Variants in BAHCC1 observed in about 807,000 individuals in gnomAD.
BAHCC1 encodes the protein BAH domain and coiled-coil containing 1, also known as BAH and coiled-coil domain-containing protein 1.
A neutral mutation model predicts 88.2 loss-of-function variants in BAHCC1; 43 were observed. The ratio of observed to expected loss-of-function variants is 0.49; its 90% CI spans 0.38 to 0.63. The LOEUF is 0.63. Ranked by LOEUF, BAHCC1 falls within the 20% of genes least tolerant of loss-of-function variation. The probability of loss-of-function intolerance (pLI) is 0.00; values close to 1 mark genes in which losing one functional copy is unlikely to be tolerated. For synonymous variants in BAHCC1, 1,510 were observed against 745.5 expected, an observed-to-expected ratio of 2.03 and a Z score of -16.71; for missense variants, 3,023 against 1,654.8, an observed-to-expected ratio of 1.83 and a Z score of -14.34.
At chr17:81,439,124 G>A (rs1037577722) in intron 4 of BAHCC1, among the ~76,000 whole-genome samples, 3 of 152,216 alleles carry the variant, frequency 2.0e-5, no homozygotes, top group East Asian at 1.9e-4. Context: ...CAGCAGAGCC[G>A]AGTCCTGGTG....
At chr17:81,438,238 G>A (rs2064363095) in intron 3 of BAHCC1, 132 bp from the exon 4 acceptor site, 1 of 654,842 alleles carries the variant, frequency 1.5e-6, no homozygotes, top group Admixed American at 2.3e-5. Context: ...TTTCCCCCCG[G>A]CGGCTGCGTG....
At chr17:81,459,717 C>A in intron 23 of BAHCC1, 113 bp downstream of exon 23, 1 of 522,612 alleles carries the variant, frequency 1.9e-6, no homozygotes. Flanking sequence ...CAGCTCTCTG[C>A]TTAGACAGAG....
Position 81,435,499 on chromosome 17 carries a change from G to A in BAHCC1, c.359-2871G>A, listed in dbSNP as rs782046498. The A allele has an allele frequency of 2.1e-6, 1 of 470,864 alleles. No individual in the cohort carries two copies. The highest frequency in any genetic ancestry group is 2.0e-5 in the African/African-American group (1 of 50,064). 29.2% of individuals were successfully genotyped at this position (470,864 alleles called of 1,614,324 possible). On this transcript the variant is annotated intron_variant, in intron 3 of 27. Transcript: ENST00000675386. This position sits in a 1 kb window ranked among gnomAD's most constrained non-coding sequence, Gnocchi z 4.4. Reference sequence around the variant, plus strand: ...CCTCTCTGGCGGTTCGCTTAGCCCAGGGCTTGCCCTTGTCTGTTGGGGTGA... The same window carrying A: ...CCTCTCTGGCGGTTCGCTTAGCCCAAGGCTTGCCCTTGTCTGTTGGGGTGA...
At chr17:81,449,084 C>T (rs2064585547) in intron 11 of BAHCC1, among the ~76,000 whole-genome samples, 1 of 152,214 alleles carries the variant, frequency 6.6e-6, no homozygotes, top group South Asian at 2.1e-4. Flanking sequence ...GTGTGAATGC[C>T]TGCAGGACAG....
In BAHCC1 at chr17:81,447,544, GGACGAGCTGGAGGAA is replaced by G. The variant is rs2064554333; in HGVS notation, c.3683_3697del (p.Glu1228_Leu1232del). Reference sequence around the variant, plus strand: ...AGGGGGAGCAGCCGGCCCCTGAGGAGGACGAGCTGGAGGAAGACGAGCTGGGGCAGCAGAGCATGG... The same window carrying G: ...AGGGGGAGCAGCCGGCCCCTGAGGAGGACGAGCTGGGGCAGCAGAGCATGG... On this transcript the variant is annotated inframe_deletion, in exon 11 of 28. Transcript: ENST00000675386. 4.0e-6 allele frequency: 3 copies of G among 756,824 alleles called. No homozygotes were observed. The highest frequency in any genetic ancestry group is 3.4e-5 in the African/African-American group (2 of 58,916). The allele number at this position is 756,824 out of a possible 1,614,324, so 46.9% of individuals were successfully genotyped here.
intron 3 of BAHCC1, among the ~76,000 whole-genome samples, chr17:81,429,963 G>A (rs1487667255): frequency 2.0e-5 from 3 of 152,196 alleles, no homozygotes; most frequent in Non-Finnish European, 4.4e-5. Flanking sequence ...CGGAGCTGGA[G>A]GAGCCGCCCG....
intron 3 of BAHCC1, among the ~76,000 whole-genome samples, chr17:81,430,509 C>T (rs1429211559): frequency 6.6e-6 from 1 of 152,328 alleles, no homozygotes; most frequent in African/African-American, 2.4e-5. Context: ...CGAGCACTCC[C>T]TGCCAACGGA....
chr17:81,418,776 C>CGT lies in BAHCC1; in HGVS notation c.179-8015_179-8014dup, dbSNP rs781802477. The stretch of plus-strand genomic sequence containing the variant: ...ACGTGTGTGTGTGTACGTGTGTGTA[C>CGT]GTGTGTGTGTACGTGTGTGCGTGTG... On this transcript the variant is annotated intron_variant, in intron 2 of 27. Transcript: ENST00000675386. Among the ~76,000 whole-genome samples the CGT allele has an allele frequency of 6.8e-4, 46 of 67,372 alleles. No homozygotes were observed. The South Asian group carries it at 8.5e-3, about 12-fold the overall frequency. 44.2% of individuals were successfully genotyped at this position (67,372 alleles called of 152,430 possible).
Position 81,417,153 on chromosome 17 carries a change from G to A in BAHCC1, c.179-9647G>A, listed in dbSNP as rs117279920. ...GGTGGATTCCTGGGCTGGGGTGTGC[G>A]TGCGTGTGCCCCTGACATCTTCACC... On this transcript the variant is annotated intron_variant, in intron 2 of 27. Coordinates refer to ENST00000675386, the MANE Select transcript of BAHCC1 (RefSeq NM_001377448.1). Among the ~76,000 whole-genome samples, 311 of 152,304 alleles carry A rather than the reference G, an allele frequency of 2.0e-3. 2 individuals carry two copies. The East Asian group carries it at 0.025, about 12-fold the overall frequency.
At chr17:81,403,852 A>C (rs954847938) in intron 2 of BAHCC1, among the ~76,000 whole-genome samples, 4 of 152,132 alleles carry the variant, frequency 2.6e-5, no homozygotes, top group South Asian at 2.1e-4. Flanking sequence ...GTGGCCCGCC[A>C]CGCCCGCCCC....
intron 1 of BAHCC1, among the ~76,000 whole-genome samples, chr17:81,398,878 G>T (rs1259060940): frequency 8.2e-4 from 124 of 150,964 alleles, no homozygotes; most frequent in Non-Finnish European, 1.6e-4. Context: ...GGATTCAGAA[G>T]AATGGGCCGA....
intron 3 of BAHCC1, among the ~76,000 whole-genome samples, chr17:81,437,366 A>AGAC (rs1338384652): frequency 6.6e-6 from 1 of 151,974 alleles, no homozygotes. Context: ...GGCGGGTCTG[A>AGAC]GTCTCAGAGC....
rs1555659291 is a variant in BAHCC1 at position 81,461,380 on chromosome 17, G to A, written c.6717G>A (p.Arg2239=). The stretch of plus-strand genomic sequence containing the variant: ...AGGACTTCAGCCCCAAGCTCGGGCG[G>A]CCCCTGCCCAGCCCCAGCTATGTGC... ...GDKDFSPKLG[R]PLPSPSYVHP... The change falls in exon 26 of 28, where the codon CGG becomes CGA. Residue 2239 remains arginine, a synonymous_variant. Transcript: ENST00000675386. 1.4e-6 allele frequency: 1 copy of A among 721,058 alleles called. No homozygotes were observed. Among genetic ancestry groups the A allele is most frequent in the Non-Finnish European group, 2.6e-6 (1 of 391,924 alleles). The allele number at this position is 721,058 out of a possible 1,614,324, so 44.7% of individuals were successfully genotyped here.
In BAHCC1 at chr17:81,463,862, T is replaced by C; in HGVS notation, c.*45T>C. 2 of 696,070 alleles carry C rather than the reference T, an allele frequency of 2.9e-6. No homozygotes were observed. Among genetic ancestry groups the C allele is most frequent in the Non-Finnish European group, 5.3e-6 (2 of 380,628 alleles). 43.1% of individuals were successfully genotyped at this position (696,070 alleles called of 1,614,324 possible). Reference sequence around the variant, plus strand: ...TCCCACGTGCGCCAGGGACCCTGTGTGCGGAGCCTGGCGTCGGCCAAGCCA... The same window carrying C: ...TCCCACGTGCGCCAGGGACCCTGTGCGCGGAGCCTGGCGTCGGCCAAGCCA... On this transcript the variant is annotated 3_prime_UTR_variant, in exon 28 of 28. Transcript: ENST00000675386.
At chr17:81,406,618 T>C (rs1365433612) in intron 2 of BAHCC1, among the ~76,000 whole-genome samples, 2 of 152,254 alleles carry the variant, frequency 1.3e-5, no homozygotes, top group South Asian at 2.1e-4. Context: ...TGGGATAATA[T>C]ACCGTTTCGC....
At chr17:81,458,062 C>G in intron 17 of BAHCC1, 103 bp from the exon 18 acceptor site, 1 of 660,848 alleles carries the variant, frequency 1.5e-6, no homozygotes, top group Non-Finnish European at 2.8e-6. Context: ...CGGGGGCGGG[C>G]AGGGGTTGCT....
chr17:81,419,383 G>T (rs966445503), intron 2 of BAHCC1, among the ~76,000 whole-genome samples: 2 of 152,242 alleles, frequency 1.3e-5, no homozygotes, highest in African/African-American at 2.4e-5. Context: ...TCCTCCCCGC[G>T]CTTTCCCGGA....
intron 13 of BAHCC1, among the ~76,000 whole-genome samples, chr17:81,452,517 A>AGT (rs2064659661): frequency 6.8e-6 from 1 of 147,166 alleles, no homozygotes; most frequent in East Asian, 2.0e-4. Context: ...CCACCTGACC[A>AGT]GTGTGTGTGG....
chr17:81,456,037 G>A (rs781851465), intron 15 of BAHCC1: 3 of 507,524 alleles, frequency 5.9e-6, no homozygotes, highest in Non-Finnish European at 1.0e-5. Flanking sequence ...ACAGCCACTG[G>A]GCCCTCAGCC....
Sources: gnomAD v4.1 joint callset for allele counts (sites outside exome capture counted in the v4.1 genomes callset) on GRCh38, gnomAD v4.1.1 for gene constraint, Gnocchi (gnomAD v3.1) non-coding constraint, MANE v1.5 for transcripts, NCBI Gene and HGNC (gene_info 2026-07-23, HGNC 2026-07-21) for gene names.